MAN1A1: variants seen among roughly 807,000 people sequenced by gnomAD.
The protein encoded by MAN1A1 is mannosidase alpha class 1A member 1.
Under a neutral mutation model 70.8 loss-of-function variants are expected in MAN1A1, and 29 were observed. The observed-to-expected ratio is 0.41, with a 90% CI of 0.31 to 0.56. The LOEUF (loss-of-function observed/expected upper bound fraction) is 0.56. MAN1A1 is among the 20% of genes least tolerant of loss of function. MAN1A1 has a pLI of 0.29. For missense variants in MAN1A1, 747 were observed against 841.3 expected (o/e 0.89, Z 1.39); for synonymous variants, 349 against 330.1 (o/e 1.06, Z -0.62).
intron 2 of MAN1A1, among the ~76,000 whole-genome samples, chr6:119,312,937 G>A (rs1258253752): frequency 1.3e-5 from 2 of 152,144 alleles, no homozygotes; most frequent in African/African-American, 4.8e-5. Flanking sequence ...GCACAGTGAG[G>A]AGATCAGGTG....
intron 2 of MAN1A1, chr6:119,327,524 G>A (rs1260835394): frequency 6.6e-6 from 1 of 151,640 alleles, no homozygotes; most frequent in Non-Finnish European, 1.5e-5. Context: ...CAAGGAGCTG[G>A]GATTACAGGC....
intron 2 of MAN1A1, among the ~76,000 whole-genome samples, chr6:119,335,284 G>A (rs1437184862): frequency 6.6e-6 from 1 of 152,120 alleles, no homozygotes; most frequent in African/African-American, 2.4e-5. Flanking sequence ...TACATACTAT[G>A]TATTGAATAA....
At chr6:119,278,419 C>A (rs1776136558) in intron 5 of MAN1A1, among the ~76,000 whole-genome samples, 1 of 152,150 alleles carries the variant, frequency 6.6e-6, no homozygotes, top group East Asian at 1.9e-4. Context: ...CTTCATTCTG[C>A]ATGAATATTT....
chr6:119,337,457 T>C (rs1773485177), intron 2 of MAN1A1, among the ~76,000 whole-genome samples: 1 of 152,150 alleles, frequency 6.6e-6, no homozygotes, highest in African/African-American at 2.4e-5. Context: ...CTGGGCCCTA[T>C]TATGGGCAGG....
At chr6:119,205,818 A>AT (rs1472590114) in intron 6 of MAN1A1, among the ~76,000 whole-genome samples, 1 of 152,264 alleles carries the variant, frequency 6.6e-6, no homozygotes, top group Non-Finnish European at 1.5e-5. Context: ...CATTTAGTGC[A>AT]TGCCTACTAT....
intron 4 of MAN1A1, among the ~76,000 whole-genome samples, chr6:119,294,008 G>A (rs1033667838): frequency 6.6e-6 from 1 of 152,078 alleles, no homozygotes; most frequent in Non-Finnish European, 1.5e-5. Context: ...GACAGCTGTT[G>A]CCACTACCAC....
chr6:119,318,231 C>CACT (rs1219015564), intron 2 of MAN1A1, among the ~76,000 whole-genome samples: 1 of 152,198 alleles, frequency 6.6e-6, no homozygotes, highest in African/African-American at 2.4e-5. Context: ...ATTTACTGAA[C>CACT]ACTTACACAT....
intron 2 of MAN1A1, among the ~76,000 whole-genome samples, chr6:119,315,639 T>C (rs1307847438): frequency 2.0e-5 from 3 of 152,184 alleles, no homozygotes; most frequent in Non-Finnish European, 4.4e-5. Context: ...AAAATATAAG[T>C]CCATTTCTCT....
In MAN1A1 at chr6:119,261,722, T is replaced by C. The variant is rs79377679; in HGVS notation, c.898-13368A>G. 5.9e-3 allele frequency among the ~76,000 whole-genome samples: 899 copies of C among 152,326 alleles called. 30 individuals are homozygous for C. In the East Asian group the frequency reaches 0.09, roughly 15 times the overall value. ...GTAAAGAAAGTTCATGGAAGTGTTTTTGAAGATCTTAAACTCAGTTTTAGA... is the reference window on the plus strand; with the variant it reads ...GTAAAGAAAGTTCATGGAAGTGTTTCTGAAGATCTTAAACTCAGTTTTAGA... On this transcript the variant is annotated intron_variant, in intron 5 of 12. Transcript: ENST00000368468.
chr6:119,187,041 C>T (rs1056635427), intron 11 of MAN1A1, among the ~76,000 whole-genome samples: 1 of 152,098 alleles, frequency 6.6e-6, no homozygotes, highest in African/African-American at 2.4e-5. Flanking sequence ...CAAGCAACCC[C>T]CTGAAGAACA....
At chr6:119,300,390 G>C (rs1041645741) in intron 4 of MAN1A1, among the ~76,000 whole-genome samples, 1 of 151,776 alleles carries the variant, frequency 6.6e-6, no homozygotes, top group Non-Finnish European at 1.5e-5. Context: ...TGAGTAGCTG[G>C]GATTACAGGC....
intron 5 of MAN1A1, among the ~76,000 whole-genome samples, chr6:119,253,766 T>C (rs1448421855): frequency 6.6e-6 from 1 of 152,212 alleles, no homozygotes; most frequent in Non-Finnish European, 1.5e-5. Flanking sequence ...CCTAATAACA[T>C]ACCTGGGGCA....
chr6:119,291,363 CTT>C (rs955189144), intron 4 of MAN1A1, among the ~76,000 whole-genome samples: 1 of 151,910 alleles, frequency 6.6e-6, no homozygotes, highest in Admixed American at 6.6e-5. Flanking sequence ...TCAGGTATGT[CTT>C]TATCAGCAGT....
intron 11 of MAN1A1, among the ~76,000 whole-genome samples, chr6:119,183,439 T>C (rs761576165): frequency 2.0e-5 from 3 of 151,582 alleles, no homozygotes; most frequent in Admixed American, 6.6e-5. Context: ...ATACCAGATA[T>C]GTAGAATAAG....
intron 5 of MAN1A1, among the ~76,000 whole-genome samples, chr6:119,288,105 A>G (rs1252681623): frequency 2.0e-5 from 3 of 151,906 alleles, no homozygotes; most frequent in Non-Finnish European, 4.4e-5. Flanking sequence ...ATTCTTAACT[A>G]TTGTCCAGTG....
At chr6:119,182,475 T>C (rs1004538773) in intron 11 of MAN1A1, among the ~76,000 whole-genome samples, 1 of 152,126 alleles carries the variant, frequency 6.6e-6, no homozygotes, top group Non-Finnish European at 1.5e-5. Flanking sequence ...CCTAGGAGTT[T>C]TATGGTTTCA....
intron 5 of MAN1A1, among the ~76,000 whole-genome samples, chr6:119,264,401 A>G (rs12210002): frequency 0.26 from 39,140 of 152,196 alleles, 6,073 homozygotes; most frequent in Non-Finnish European, 0.35. Flanking sequence ...TGCAGTGAAC[A>G]AAGCAAAAAT....
chr6:119,181,046 A>G (rs1773140711), intron 11 of MAN1A1, among the ~76,000 whole-genome samples: 1 of 152,210 alleles, frequency 6.6e-6, no homozygotes, highest in Non-Finnish European at 1.5e-5. Flanking sequence ...CAAAGTATGA[A>G]CTATAGGCTA....
intron 5 of MAN1A1, among the ~76,000 whole-genome samples, chr6:119,270,700 C>T (rs1406004693): frequency 6.6e-6 from 1 of 152,162 alleles, no homozygotes; most frequent in Non-Finnish European, 1.5e-5. Context: ...CAATAGCCCG[C>T]TTGTGTCATT....
Sources: gnomAD v4.1 joint callset for allele counts (sites outside exome capture counted in the v4.1 genomes callset) on GRCh38, gnomAD v4.1.1 for gene constraint, MANE v1.5 for transcripts, NCBI Gene and HGNC (gene_info 2026-07-23, HGNC 2026-07-21) for gene names.